The following KCNN2 variants were observed in gnomAD, a reference collection of about 807,000 sequenced individuals.
KCNN2 encodes the protein potassium calcium-activated channel subfamily N member 2, also known as small conductance calcium-activated potassium channel protein 2.
KCNN2 carries 24 observed loss-of-function variants against 55.5 expected under a neutral mutation model. The ratio of observed to expected loss-of-function variants is 0.43; its 90% confidence interval spans 0.31 to 0.61. KCNN2 has a LOEUF of 0.61. Among genes scored for constraint, KCNN2 ranks in the 20% least tolerant of loss-of-function variants. KCNN2 has a pLI of 0.08. For missense variants in KCNN2, 754 were observed against 853.6 expected (o/e 0.88, Z 1.45); for synonymous variants, 431 against 336.1 (o/e 1.28, Z -3.09).
chr5:114,250,486 G>A (rs1754836765), intron 2 of KCNN2, among the ~76,000 whole-genome samples: 1 of 152,166 alleles, frequency 6.6e-6, no homozygotes. Context: ...AGAAATGAAA[G>A]GCTGCTGTAT....
At chr5:114,487,838 C>G (rs530160528) in intron 6 of KCNN2, among the ~76,000 whole-genome samples, 2 of 152,080 alleles carry the variant, frequency 1.3e-5, no homozygotes, top group Admixed American at 6.6e-5. Context: ...ATGTGGGTAT[C>G]GATTGTGATG....
At chr5:114,475,461 A>G (rs1409221389) in intron 5 of KCNN2, among the ~76,000 whole-genome samples, 3 of 152,166 alleles carry the variant, frequency 2.0e-5, no homozygotes, top group Non-Finnish European at 4.4e-5. Context: ...AGGATTTGAC[A>G]TCTTAGAAAG....
intron 2 of KCNN2, among the ~76,000 whole-genome samples, chr5:114,322,825 T>C (rs1214323307): frequency 6.6e-6 from 1 of 152,206 alleles, no homozygotes; most frequent in Non-Finnish European, 1.5e-5. Context: ...ACTTTTATTA[T>C]AGGTTTGAGG....
At chr5:114,473,204 G>T in intron 5 of KCNN2, 40 bp downstream of exon 5, 3 of 1,282,126 alleles carry the variant, frequency 2.3e-6, no homozygotes, top group Non-Finnish European at 3.4e-6. Context: ...GAATATTATT[G>T]TGATTTTTTC....
chr5:114,072,840 A>G (rs1750605232), intron 1 of KCNN2, among the ~76,000 whole-genome samples: 1 of 152,254 alleles, frequency 6.6e-6, no homozygotes, highest in Admixed American at 6.5e-5. Context: ...AGCTATGAAT[A>G]TTAACAAGTG....
intron 1 of KCNN2, among the ~76,000 whole-genome samples, chr5:114,110,965 T>C (rs1051820471): frequency 2.0e-5 from 3 of 152,050 alleles, no homozygotes; most frequent in Admixed American, 2.0e-4. Flanking sequence ...CTTCACAGAA[T>C]TGGAAACAAT....
intron 1 of KCNN2, among the ~76,000 whole-genome samples, chr5:114,146,455 C>T (rs941189862): frequency 6.6e-6 from 1 of 152,124 alleles, no homozygotes; most frequent in Non-Finnish European, 1.5e-5. Flanking sequence ...CTGTTTTGAG[C>T]TCACTAGGAA....
chr5:114,288,035 C>T (rs1164995064), intron 2 of KCNN2, among the ~76,000 whole-genome samples: 1 of 152,164 alleles, frequency 6.6e-6, no homozygotes, highest in Admixed American at 6.5e-5. Context: ...TTCCACTACT[C>T]GCTGGCACCC....
intron 1 of KCNN2, among the ~76,000 whole-genome samples, chr5:114,092,611 C>G (rs1330384406): frequency 6.6e-6 from 1 of 152,196 alleles, no homozygotes; most frequent in Non-Finnish European, 1.5e-5. Flanking sequence ...CATGAGGGCT[C>G]CATCCCTGCA....
intron 3 of KCNN2, among the ~76,000 whole-genome samples, chr5:114,417,452 G>A (rs951915004): frequency 6.6e-6 from 1 of 152,154 alleles, no homozygotes; most frequent in African/African-American, 2.4e-5. Context: ...ACTCTGCTAG[G>A]TTTTTTATCC....
intron 1 of KCNN2, among the ~76,000 whole-genome samples, chr5:114,064,244 C>T (rs1348971554): frequency 6.6e-6 from 1 of 152,230 alleles, no homozygotes; most frequent in Non-Finnish European, 1.5e-5. Flanking sequence ...ACACACTGTT[C>T]ATCTCATCAA....
chr5:114,292,740 T>C (rs900473657), intron 2 of KCNN2, among the ~76,000 whole-genome samples: 1 of 152,238 alleles, frequency 6.6e-6, no homozygotes, highest in Non-Finnish European at 1.5e-5. Flanking sequence ...AAGTCATTGA[T>C]AGCTTGATGG....
intron 3 of KCNN2, among the ~76,000 whole-genome samples, chr5:114,423,072 A>C (rs1220524622): frequency 2.0e-5 from 3 of 152,208 alleles, no homozygotes; most frequent in Admixed American, 6.5e-5. Flanking sequence ...CATTACCTGA[A>C]GTAAAACAAG....
intron 2 of KCNN2, among the ~76,000 whole-genome samples, chr5:114,388,717 T>TC (rs1032492502): frequency 1.3e-5 from 2 of 152,124 alleles, no homozygotes; most frequent in Non-Finnish European, 2.9e-5. Context: ...TTTCACCCTT[T>TC]CCCCCTGAGA....
At chr5:114,146,124 G>A (rs745325618) in intron 1 of KCNN2, among the ~76,000 whole-genome samples, 7 of 152,106 alleles carry the variant, frequency 4.6e-5, no homozygotes, top group Middle Eastern at 6.8e-3. Flanking sequence ...ATATTAGATT[G>A]AACATCTTTC....
At chr5:114,213,448 C>T (rs146874630) in intron 1 of KCNN2, among the ~76,000 whole-genome samples, 33 of 150,960 alleles carry the variant, frequency 2.2e-4, no homozygotes, top group African/African-American at 7.8e-4. Context: ...TAATTCAGTA[C>T]ATCCTCCAAT....
intron 1 of KCNN2, among the ~76,000 whole-genome samples, chr5:114,154,412 G>A (rs1561498799): frequency 6.6e-6 from 1 of 152,088 alleles, no homozygotes; most frequent in Non-Finnish European, 1.5e-5. Context: ...AAATTGTGCA[G>A]TGAAATGTGG....
rs1254824694 is a variant in KCNN2, at chr5:114,334,484, C to CAT, written c.-184-26453_-184-26452dup. 8.6e-5 allele frequency among the ~76,000 whole-genome samples: 13 copies of CAT among 152,028 alleles called. No individual in the cohort carries two copies. The East Asian group carries it at 1.9e-3, about 23-fold the overall frequency. The stretch of plus-strand genomic sequence containing the variant: ...GTGTATATATAGATATATATACACA[C>CAT]ATATATATACGCACATACATACACA... On this transcript the variant is annotated intron_variant, in intron 2 of 10. Coordinates refer to the KCNN2 transcript ENST00000512097.
intron 2 of KCNN2, among the ~76,000 whole-genome samples, chr5:114,387,746 C>T (rs886080093): frequency 7.9e-5 from 12 of 152,292 alleles, no homozygotes; most frequent in Non-Finnish European, 1.3e-4. Context: ...GCTCTATCTA[C>T]ATCCTGTAGC....
Sources: gnomAD v4.1 joint callset for allele counts (sites outside exome capture counted in the v4.1 genomes callset) on GRCh38, gnomAD v4.1.1 for gene constraint, MANE v1.5 for transcripts, NCBI Gene and HGNC (gene_info 2026-07-23, HGNC 2026-07-21) for gene names.